Variants in HIBADH observed in about 807,000 individuals in gnomAD.
HIBADH encodes the protein 3-hydroxyisobutyrate dehydrogenase, mitochondrial.
A neutral mutation model predicts 36.1 loss-of-function variants in HIBADH; 25 were observed. The ratio of observed to expected loss-of-function variants is 0.69; its 90% CI spans 0.50 to 0.97. HIBADH has a LOEUF of 0.97. HIBADH is among the 50% of genes least tolerant of loss of function. HIBADH has a pLI of 0.00. For synonymous variants in HIBADH, 160 were observed against 149.5 expected, an observed-to-expected ratio of 1.07 and a Z score of -0.51; for missense variants, 421 against 418.0, an observed-to-expected ratio of 1.01 and a Z score of -0.06.
chr7:27,584,778 C>T (rs944791033), intron 4 of HIBADH, among the ~76,000 whole-genome samples: 6 of 152,018 alleles, frequency 3.9e-5, no homozygotes, highest in Admixed American at 6.6e-5. Flanking sequence ...CATCAAGGAA[C>T]ATTAAGTGGA....
chr7:27,627,588 T>C (rs1785671263), intron 4 of HIBADH, among the ~76,000 whole-genome samples: 1 of 152,222 alleles, frequency 6.6e-6, no homozygotes. Context: ...TTAGTTAAAA[T>C]ACAGTAATTT....
chr7:27,655,749 A>AC (rs35402898), intron 1 of HIBADH, among the ~76,000 whole-genome samples: 115,739 of 151,838 alleles, frequency 0.76, 44,613 homozygotes, highest in East Asian at 0.95. Context: ...TATGTAAATT[A>AC]CCCCCCAGAA....
intron 4 of HIBADH, among the ~76,000 whole-genome samples, chr7:27,629,067 A>AT (rs927508362): frequency 4.0e-5 from 6 of 151,058 alleles, no homozygotes; most frequent in South Asian, 2.1e-4. Context: ...ATTTAAGCTG[A>AT]TTTTTTTTTC....
At chr7:27,566,387 G>T (rs1784548931) in intron 4 of HIBADH, among the ~76,000 whole-genome samples, 1 of 151,604 alleles carries the variant, frequency 6.6e-6, no homozygotes, top group African/African-American at 2.4e-5. Flanking sequence ...AAAAAAAATG[G>T]TCCATTTCAT....
intron 2 of HIBADH, among the ~76,000 whole-genome samples, chr7:27,637,200 T>A (rs552740636): frequency 1.3e-5 from 2 of 152,284 alleles, no homozygotes; most frequent in East Asian, 3.9e-4. Flanking sequence ...TCATCCCCAT[T>A]TTATATAAGA....
chr7:27,549,871 T>C (rs6462031), intron 4 of HIBADH, among the ~76,000 whole-genome samples: 115,942 of 152,160 alleles, frequency 0.76, 44,665 homozygotes, highest in East Asian at 0.94. Context: ...AAATAACCAG[T>C]AACTGAAAAC....
chr7:27,580,514 A>G (rs762930139), intron 4 of HIBADH, among the ~76,000 whole-genome samples: 2 of 152,212 alleles, frequency 1.3e-5, no homozygotes, highest in Non-Finnish European at 2.9e-5. Flanking sequence ...CTTTAAATGA[A>G]CATTGTAAGA....
At chr7:27,623,071 A>C (rs1785572779) in intron 4 of HIBADH, among the ~76,000 whole-genome samples, 1 of 152,232 alleles carries the variant, frequency 6.6e-6, no homozygotes, top group African/African-American at 2.4e-5. Flanking sequence ...AACACGATCA[A>C]GTGAGATTTA....
At chr7:27,559,344 G>A (rs1036826021) in intron 4 of HIBADH, among the ~76,000 whole-genome samples, 1 of 152,146 alleles carries the variant, frequency 6.6e-6, no homozygotes, top group African/African-American at 2.4e-5. Flanking sequence ...TATTTAGGCT[G>A]GGCACAGTGG....
At chr7:27,648,369 A>G (rs930199694) in intron 2 of HIBADH, among the ~76,000 whole-genome samples, 20 of 152,194 alleles carry the variant, frequency 1.3e-4, no homozygotes, top group Non-Finnish European at 1.9e-4. Context: ...CCATCCTCAC[A>G]CTATACTGCT....
At position 27,547,700 on chromosome 7, in the gene HIBADH, G is replaced by A. The variant is rs116602229; in HGVS notation, c.485-4600C>T. The stretch of plus-strand genomic sequence containing the variant: ...CACCCTGTTTCTTCATCTAGGATGT[G>A]AAGTGGTTAGAGAAAATCATCACTG... On this transcript the variant is annotated intron_variant, in intron 4 of 7. Coordinates refer to ENST00000265395, the MANE Select transcript of HIBADH (RefSeq NM_152740.4). Among the ~76,000 whole-genome samples, 493 of 152,204 alleles carry A rather than the reference G, an allele frequency of 3.2e-3. 6 individuals carry two copies. The highest frequency in any genetic ancestry group is 0.011 in the African/African-American group (464 of 41,534).
chr7:27,660,293 CTT>C (rs1786389255), intron 1 of HIBADH, among the ~76,000 whole-genome samples: 1 of 152,142 alleles, frequency 6.6e-6, no homozygotes, highest in Non-Finnish European at 1.5e-5. Context: ...TTTTTCTACT[CTT>C]TAAGAATCTA....
intron 4 of HIBADH, among the ~76,000 whole-genome samples, chr7:27,563,900 CTT>C (rs56869443): frequency 3.0e-5 from 4 of 133,476 alleles, no homozygotes; most frequent in Admixed American, 7.7e-5. Context: ...TGTTAATTTT[CTT>C]TTTTTTTTTT....
chr7:27,559,663 T>C (rs1241123805), intron 4 of HIBADH, among the ~76,000 whole-genome samples: 1 of 151,936 alleles, frequency 6.6e-6, no homozygotes, highest in East Asian at 1.9e-4. Context: ...AAAAAAACCC[T>C]ATGAGTAGGG....
chr7:27,570,431 C>T (rs1784611953), intron 4 of HIBADH, among the ~76,000 whole-genome samples: 1 of 152,158 alleles, frequency 6.6e-6, no homozygotes, highest in African/African-American at 2.4e-5. Context: ...ATGAATTCTA[C>T]ATGCATATGT....
chr7:27,650,182 T>C (rs1786155050), intron 1 of HIBADH, among the ~76,000 whole-genome samples: 1 of 151,486 alleles, frequency 6.6e-6, no homozygotes, highest in Non-Finnish European at 1.5e-5. Flanking sequence ...AGACAGAAAG[T>C]ATTCAAAAAG....
intron 4 of HIBADH, among the ~76,000 whole-genome samples, chr7:27,551,802 T>C (rs1784323016): frequency 6.6e-6 from 1 of 152,104 alleles, no homozygotes; most frequent in Non-Finnish European, 1.5e-5. Flanking sequence ...AATCACTTAA[T>C]TTACTCAAAA....
At chr7:27,537,597 AAC>A (rs1238841907) in intron 6 of HIBADH, among the ~76,000 whole-genome samples, 1 of 152,174 alleles carries the variant, frequency 6.6e-6, no homozygotes, top group African/African-American at 2.4e-5. Flanking sequence ...TGAAATATAA[AAC>A]ATTCAAAAAT....
intron 4 of HIBADH, among the ~76,000 whole-genome samples, chr7:27,626,735 A>C (rs1785655608): frequency 6.6e-6 from 1 of 152,202 alleles, no homozygotes; most frequent in Non-Finnish European, 1.5e-5. Flanking sequence ...CCATAGGATA[A>C]TAGAAGTATA....
Sources: gnomAD v4.1 joint callset for allele counts (sites outside exome capture counted in the v4.1 genomes callset) on GRCh38, gnomAD v4.1.1 for gene constraint, MANE v1.5 for transcripts, NCBI Gene and HGNC (gene_info 2026-07-23, HGNC 2026-07-21) for gene names.